ADAM2: variants seen among roughly 807,000 people sequenced by gnomAD.
ADAM2 encodes the protein disintegrin and metalloproteinase domain-containing protein 2.
A neutral mutation model predicts 99.3 loss-of-function variants in ADAM2; 101 were observed. That is an observed-to-expected ratio of 1.02 (90% confidence interval 0.87 to 1.20). The LOEUF (loss-of-function observed/expected upper bound fraction) is 1.20, where lower values mean the gene tolerates loss of function less well. Ranked by LOEUF, ADAM2 falls within the 50% of genes most tolerant of loss-of-function variation. ADAM2 has a pLI of 0.00. For missense variants in ADAM2, 948 were observed against 878.7 expected (o/e 1.08, Z -1.00); for synonymous variants, 323 against 287.6 (o/e 1.12, Z -1.25).
intron 14 of ADAM2, among the ~76,000 whole-genome samples, chr8:39,762,804 A>G (rs1802420966): frequency 6.6e-6 from 1 of 152,224 alleles, no homozygotes; most frequent in South Asian, 2.1e-4. Flanking sequence ...CAATCTGATC[A>G]GCCAATTATT....
chr8:39,802,513 ATTC>A (rs748379881), intron 7 of ADAM2, among the ~76,000 whole-genome samples: 10 of 152,226 alleles, frequency 6.6e-5, no homozygotes, highest in South Asian at 4.1e-4. Flanking sequence ...TGAATCCTGA[ATTC>A]TTCTTATTTC....
At position 39,772,078 on chromosome 8, in the gene ADAM2, T is replaced by TA. The variant is rs1306508395; in HGVS notation, c.1029-2504dup. ...TGTACCCTAGAACTTAAAAGTATAA[T>TA]AAAAAAAAAGAAAGAGGGGAGAGAG... On this transcript the variant is annotated intron_variant, in intron 11 of 20. Coordinates refer to ENST00000265708, the MANE Select transcript of ADAM2 (RefSeq NM_001464.5). 2.5e-3 allele frequency among the ~76,000 whole-genome samples: 119 copies of TA among 47,300 alleles called. 1 individual carries two copies. Among genetic ancestry groups the TA allele is most frequent in the Middle Eastern group, 0.025 (2 of 80 alleles). The allele number at this position is 47,300 out of a possible 152,430, so 31.0% of individuals were successfully genotyped here. A position where few individuals can be genotyped will look rare whatever the true frequency, so the allele number is the denominator to read the frequency against.
intron 3 of ADAM2, among the ~76,000 whole-genome samples, chr8:39,826,831 G>T (rs1805425611): frequency 6.6e-6 from 1 of 152,118 alleles, no homozygotes; most frequent in African/African-American, 2.4e-5. Context: ...ATTGGTCTGG[G>T]TGATGATTTT....
At chr8:39,787,621 T>C (rs1803524207) in intron 9 of ADAM2, among the ~76,000 whole-genome samples, 1 of 150,202 alleles carries the variant, frequency 6.7e-6, no homozygotes, top group Admixed American at 6.7e-5. Context: ...AAAAACAGAG[T>C]CTATTAAATA....
intron 16 of ADAM2, among the ~76,000 whole-genome samples, chr8:39,752,252 C>G (rs1325193467): frequency 6.6e-6 from 1 of 152,082 alleles, no homozygotes. Flanking sequence ...TTATATCAAA[C>G]TTTCAATAAA....
intron 6 of ADAM2, among the ~76,000 whole-genome samples, chr8:39,819,459 C>T (rs1340718048): frequency 6.6e-6 from 1 of 151,950 alleles, no homozygotes; most frequent in Non-Finnish European, 1.5e-5. Flanking sequence ...ATTAATTTTA[C>T]CTGTAAACTT....
At chr8:39,804,229 G>A (rs1175677024) in intron 7 of ADAM2, among the ~76,000 whole-genome samples, 1 of 152,204 alleles carries the variant, frequency 6.6e-6, no homozygotes, top group African/African-American at 2.4e-5. Context: ...CTTTATTGCA[G>A]TTGTGAACAA....
chr8:39,788,353 A>C (rs1803564730), intron 8 of ADAM2, 102 bp from the exon 9 acceptor site: 2 of 698,698 alleles, frequency 2.9e-6, no homozygotes. Context: ...AAACAACTAA[A>C]CTATAAGTCT....
chr8:39,835,333 T>C (rs562013804), intron 2 of ADAM2, among the ~76,000 whole-genome samples: 5 of 152,336 alleles, frequency 3.3e-5, no homozygotes, highest in East Asian at 3.9e-4. Flanking sequence ...TCCTGACTTT[T>C]ATATTTTCAT....
At chr8:39,786,524 G>A (rs1160484668) in intron 10 of ADAM2, among the ~76,000 whole-genome samples, 1 of 151,950 alleles carries the variant, frequency 6.6e-6, no homozygotes, top group Non-Finnish European at 1.5e-5. Context: ...GATAATTAAT[G>A]TCAATTAGGA....
At chr8:39,809,280 A>C in intron 7 of ADAM2, 130 bp downstream of exon 7, 1 of 556,676 alleles carries the variant, frequency 1.8e-6, no homozygotes, top group South Asian at 2.5e-5. Context: ...GATATTAATA[A>C]TTTAAAGTGC....
At chr8:39,793,365 A>C (rs1803798570) in intron 7 of ADAM2, among the ~76,000 whole-genome samples, 1 of 152,158 alleles carries the variant, frequency 6.6e-6, no homozygotes, top group Non-Finnish European at 1.5e-5. Context: ...GGGTTAAAAC[A>C]AAAGTTTAAA....
At chr8:39,806,298 C>T (rs1018599996) in intron 7 of ADAM2, among the ~76,000 whole-genome samples, 1 of 151,704 alleles carries the variant, frequency 6.6e-6, no homozygotes, top group African/African-American at 2.4e-5. Context: ...TGATGACACA[C>T]TGCTAGAGAG....
Position 39,746,567 on chromosome 8 carries a change from A to G in ADAM2, c.2079T>C (p.Ile693=). Residue 693 remains isoleucine (I), a synonymous_variant, in exon 19 of 21, where the codon ATT becomes ATC. Transcript: ENST00000265708. Reference sequence around the variant, plus strand: ...GTACACAGAAAATAATAAAGAAAGGAATGAATAAGAAAAATGGCCATCTCA... The same window carrying G: ...GTACACAGAAAATAATAAAGAAAGGGATGAATAAGAAAAATGGCCATCTCA... The part of the protein sequence containing the change: ...KPMRWPFFLF[I]PFFIIFCVLI... The G allele has an allele frequency of 6.2e-7, 1 of 1,607,914 alleles. No homozygotes were observed. The highest frequency in any genetic ancestry group is 1.1e-5 in the South Asian group (1 of 89,866).
At chr8:39,806,257 G>T (rs1000410405) in intron 7 of ADAM2, among the ~76,000 whole-genome samples, 2 of 151,174 alleles carry the variant, frequency 1.3e-5, no homozygotes, top group Non-Finnish European at 2.9e-5. Flanking sequence ...AATGAAAACG[G>T]GAATTGAAAA....
At chr8:39,801,644 A>T (rs533025086) in intron 7 of ADAM2, among the ~76,000 whole-genome samples, 1 of 152,154 alleles carries the variant, frequency 6.6e-6, no homozygotes, top group African/African-American at 2.4e-5. Flanking sequence ...GTCCACAGAG[A>T]CTGGGGCCGC....
At chr8:39,790,434 T>G (rs1225961553) in intron 7 of ADAM2, among the ~76,000 whole-genome samples, 1 of 151,936 alleles carries the variant, frequency 6.6e-6, no homozygotes, top group African/African-American at 2.4e-5. Context: ...TCATTACATA[T>G]TGTATGATAC....
At chr8:39,779,496 A>G (rs1803134587) in intron 10 of ADAM2, among the ~76,000 whole-genome samples, 1 of 152,104 alleles carries the variant, frequency 6.6e-6, no homozygotes, top group African/African-American at 2.4e-5. Context: ...GACTAGTATA[A>G]AAAAATTTTA....
Position 39,749,721 on chromosome 8 carries a change from C to A in ADAM2, c.1821G>T (p.Val607=). The A allele has an allele frequency of 6.2e-7, 1 of 1,612,250 alleles. No individual in the cohort carries two copies. The highest frequency in any genetic ancestry group is 1.1e-5 in the South Asian group (1 of 90,884). ...SNKVCRNQRC[V]SSSYLGYDCT... Reference sequence around the variant, plus strand: ...AATCATAACCCAAGTATGAAGAACTCACACATCTTTGATTCCTGCAAACCT... The same window carrying A: ...AATCATAACCCAAGTATGAAGAACTAACACATCTTTGATTCCTGCAAACCT... The change falls in exon 17 of 21, where the codon GTG becomes GTT. Residue 607 remains valine (V), a synonymous_variant. Coordinates refer to ENST00000265708, the MANE Select transcript of ADAM2 (RefSeq NM_001464.5).
Sources: allele counts gnomAD v4.1 joint callset (sites outside exome capture counted in the v4.1 genomes callset), GRCh38; gene constraint gnomAD v4.1.1; transcripts MANE v1.5; gene names NCBI Gene and HGNC (gene_info 2026-07-23, HGNC 2026-07-21).